Variants in TCF20 observed in about 807,000 individuals in gnomAD.
TCF20 encodes SPRE-binding protein.
TCF20 carries 3 observed loss-of-function variants against 148.6 expected under a neutral mutation model. The ratio of observed to expected loss-of-function variants is 0.02; its 90% CI spans 0.01 to 0.05. The LOEUF is 0.05. TCF20 is among the 10% of genes least tolerant of loss of function. The pLI, the probability that TCF20 is intolerant of heterozygous loss-of-function variation, is 1.00. For missense variants in TCF20, 2,350 were observed against 2,429.3 expected (o/e 0.97, Z 0.69); for synonymous variants, 1,049 against 909.5 (o/e 1.15, Z -2.76).
At chr22:42,168,534 C>G in intron 5 of TCF20, 75 bp downstream of exon 5, 1 of 1,521,004 alleles carries the variant, frequency 6.6e-7, no homozygotes, top group Non-Finnish European at 8.8e-7. Flanking sequence ...GAGCATAGAG[C>G]GAGCAGGAGG....
At chr22:42,161,576 G>A (rs191355287) in intron 5 of TCF20, among the ~76,000 whole-genome samples, 4 of 152,198 alleles carry the variant, frequency 2.6e-5, no homozygotes, top group African/African-American at 9.7e-5. Flanking sequence ...ATGACCTAGT[G>A]GGGGTGCTGG....
chr22:42,306,128 C>T (rs993642472), intron 1 of TCF20, among the ~76,000 whole-genome samples: 1 of 152,256 alleles, frequency 6.6e-6, no homozygotes, highest in Non-Finnish European at 1.5e-5. Context: ...GCGGCCTCGC[C>T]ACCCCCGCCT....
At chr22:42,300,373 T>C (rs1927315923) in intron 1 of TCF20, among the ~76,000 whole-genome samples, 1 of 151,928 alleles carries the variant, frequency 6.6e-6, no homozygotes. Flanking sequence ...TTCCCTGTTT[T>C]AATTTTGGCT....
In TCF20 at chr22:42,292,718, T is replaced by A. The variant is rs17002948; in HGVS notation, c.-37+50761A>T. Among the ~76,000 whole-genome samples the A allele has an allele frequency of 6.6e-6, 1 of 151,754 alleles. No individual in the cohort carries two copies. Among genetic ancestry groups the A allele is most frequent in the Non-Finnish European group, 1.5e-5 (1 of 67,938 alleles). On this transcript the variant is annotated intron_variant, in intron 1 of 1. Transcript: ENST00000515426. This position sits in a 1 kb window ranked among gnomAD's most constrained non-coding sequence, Gnocchi z 4.9. Reference sequence around the variant, plus strand: ...CACCTGGGACACAGGACCCCACGGCTAGGAAGACAAGGCTCGGATTGGATT... The same window carrying A: ...CACCTGGGACACAGGACCCCACGGCAAGGAAGACAAGGCTCGGATTGGATT...
At chr22:42,318,655 T>TCCC (rs1927678404) in intron 1 of TCF20, among the ~76,000 whole-genome samples, 1 of 151,736 alleles carries the variant, frequency 6.6e-6, no homozygotes. Flanking sequence ...GGACCACGAG[T>TCCC]GAGGGATGAC....
intron 1 of TCF20, among the ~76,000 whole-genome samples, chr22:42,341,159 G>C (rs66534409): frequency 0.36 from 54,341 of 151,908 alleles, 11,089 homozygotes; most frequent in Middle Eastern, 0.49. Context: ...TTGCCTTTCT[G>C]GGGGGGATGC....
At chr22:42,241,205 C>G (rs1174647095) in intron 1 of TCF20, among the ~76,000 whole-genome samples, 2 of 152,098 alleles carry the variant, frequency 1.3e-5, no homozygotes, top group Non-Finnish European at 2.9e-5. Flanking sequence ...CGTCAGTCAC[C>G]TGGAAAAAGA....
intron 2 of TCF20, among the ~76,000 whole-genome samples, chr22:42,187,268 C>T (rs1937089639): frequency 6.6e-6 from 1 of 152,166 alleles, no homozygotes; most frequent in Non-Finnish European, 1.5e-5. Context: ...CAATACAAGC[C>T]CATGAAAACA....
chr22:42,204,444 G>A (rs778268648), intron 2 of TCF20, among the ~76,000 whole-genome samples: 6 of 152,046 alleles, frequency 3.9e-5, no homozygotes, highest in African/African-American at 9.7e-5. Flanking sequence ...GCCGTGAGCC[G>A]AGATCATGCC....
Position 42,213,986 on chromosome 22 carries a change from T to C in TCF20, c.1320A>G (p.Leu440=), listed in dbSNP as rs774849418. 6.2e-7 allele frequency: 1 copy of C among 1,614,220 alleles called. No individual in the cohort carries two copies. The highest frequency in any genetic ancestry group is 1.1e-5 in the South Asian group (1 of 91,086). Residue 440 remains leucine, a synonymous_variant, in exon 2 of 6, where the codon CTA becomes CTG. Transcript: ENST00000677622. ...TCAGTCGCTTTTCTGGTACCCCTTCTAGTCCAAACCCTTTGAAGCCTGCAG... is the reference window on the plus strand; with the variant it reads ...TCAGTCGCTTTTCTGGTACCCCTTCCAGTCCAAACCCTTTGAAGCCTGCAG... ...SHAAGFKGFG[L]EGVPEKRLTD...
chr22:42,171,517 G>A (rs1440731976), intron 3 of TCF20, among the ~76,000 whole-genome samples: 1 of 152,176 alleles, frequency 6.6e-6, no homozygotes, highest in South Asian at 2.1e-4. Context: ...GAGTATCTAA[G>A]AGAGTGGGCG....
At chr22:42,331,680 A>T (rs1282826390) in intron 1 of TCF20, among the ~76,000 whole-genome samples, 1 of 152,232 alleles carries the variant, frequency 6.6e-6, no homozygotes, top group African/African-American at 2.4e-5. Context: ...GGGGGCTCTG[A>T]TGGTGCAGGT....
intron 1 of TCF20, among the ~76,000 whole-genome samples, chr22:42,300,458 G>A (rs1468603612): frequency 3.9e-5 from 6 of 152,106 alleles, no homozygotes; most frequent in Admixed American, 3.9e-4. Flanking sequence ...CCAGAACCTC[G>A]GTCACCTCCC....
intron 1 of TCF20, among the ~76,000 whole-genome samples, chr22:42,323,940 G>A (rs1269819787): frequency 8.3e-6 from 1 of 120,754 alleles, no homozygotes; most frequent in Admixed American, 8.4e-5. Flanking sequence ...TGGTGGTGGT[G>A]GTGATGGAGG....
chr22:42,224,367 G>C (rs1181883898), intron 1 of TCF20, among the ~76,000 whole-genome samples: 1 of 151,812 alleles, frequency 6.6e-6, no homozygotes, highest in Non-Finnish European at 1.5e-5. Flanking sequence ...AGCTACTCAG[G>C]AGGCTGAGGC....
At chr22:42,225,000 CTTTTT>C (rs34550174) in intron 1 of TCF20, among the ~76,000 whole-genome samples, 22 of 130,270 alleles carry the variant, frequency 1.7e-4, no homozygotes, top group African/African-American at 4.7e-4. Flanking sequence ...GAAATAATCA[CTTTTT>C]TTTTTTTTTT....
chr22:42,271,034 G>A (rs1926597915), upstream of TCF20, among the ~76,000 whole-genome samples: 1 of 152,074 alleles, frequency 6.6e-6, no homozygotes, highest in South Asian at 2.1e-4. Flanking sequence ...TCCAACTCCA[G>A]AATCGCGCCT....
intron 2 of TCF20, among the ~76,000 whole-genome samples, chr22:42,203,483 A>G (rs1366890344): frequency 1.3e-5 from 2 of 152,356 alleles, no homozygotes; most frequent in East Asian, 3.9e-4. Context: ...TATGCAATAA[A>G]ATTCAAAACT....
chr22:42,228,961 T>C (rs944957084), intron 1 of TCF20, among the ~76,000 whole-genome samples: 1 of 152,240 alleles, frequency 6.6e-6, no homozygotes, highest in African/African-American at 2.4e-5. Context: ...CTGTTGTGTC[T>C]GTGTGCACAA....
Sources: allele counts gnomAD v4.1 joint callset (sites outside exome capture counted in the v4.1 genomes callset), GRCh38; gene constraint gnomAD v4.1.1; non-coding constraint Gnocchi (gnomAD v3.1); transcripts MANE v1.5; gene names NCBI Gene and HGNC (gene_info 2026-07-23, HGNC 2026-07-21).